CHD2: variants seen among roughly 807,000 people sequenced by gnomAD.
The protein encoded by CHD2 is ATP-dependent chromatin remodeler CHD2.
Under a neutral mutation model 243.9 loss-of-function variants are expected in CHD2, and 28 were observed. That is an observed-to-expected ratio of 0.11 (90% CI 0.09 to 0.16). CHD2 has a LOEUF of 0.16. CHD2 is among the 10% of genes least tolerant of loss of function. The probability of loss-of-function intolerance (pLI) is 1.00; values close to 1 mark genes in which losing one functional copy is unlikely to be tolerated. For missense variants in CHD2, 1,386 were observed against 2,209.8 expected (o/e 0.63, Z 7.47); for synonymous variants, 775 against 779.0 (o/e 0.99, Z 0.09).
chr15:92,943,866 T>C (rs1054793590), intron 9 of CHD2: 7 of 152,304 alleles, frequency 4.6e-5, no homozygotes, highest in African/African-American at 1.7e-4. Context: ...TACATGTTTT[T>C]TCTTTGACTC....
intron 13 of CHD2, 47 bp downstream of exon 13, chr15:92,949,123 C>G: frequency 6.3e-7 from 1 of 1,585,444 alleles, no homozygotes; most frequent in East Asian, 2.2e-5. Context: ...TTTCTGGCTT[C>G]TTTATTGTTA....
intron 2 of CHD2, among the ~76,000 whole-genome samples, chr15:92,921,116 A>C (rs1459425816): frequency 6.6e-6 from 1 of 151,992 alleles, no homozygotes; most frequent in Admixed American, 6.6e-5. Flanking sequence ...GCTGTGACAT[A>C]TGTCAGTATT....
At chr15:92,902,579 A>T (rs940579966) in intron 2 of CHD2, 2 of 159,298 alleles carry the variant, frequency 1.3e-5, no homozygotes, top group Non-Finnish European at 2.7e-5. Flanking sequence ...TTGCTTTAGA[A>T]AATAAGTTAC....
At chr15:92,907,327 A>G (rs868220938) in intron 2 of CHD2, among the ~76,000 whole-genome samples, 1 of 152,176 alleles carries the variant, frequency 6.6e-6, no homozygotes, top group African/African-American at 2.4e-5. Flanking sequence ...GTATTTCAAC[A>G]TGTTCTGGAC....
intron 16 of CHD2, among the ~76,000 whole-genome samples, chr15:92,962,794 A>C (rs1343398768): frequency 6.6e-6 from 1 of 151,840 alleles, no homozygotes; most frequent in East Asian, 1.9e-4. Flanking sequence ...TTTTTGCTTC[A>C]TTATTTTGGG....
intron 2 of CHD2, chr15:92,904,318 T>G: frequency 5.3e-6 from 2 of 378,626 alleles, no homozygotes; most frequent in Non-Finnish European, 7.3e-6. Flanking sequence ...GGGGTGCTGA[T>G]TGGCTGTGCG....
intron 12 of CHD2, among the ~76,000 whole-genome samples, chr15:92,948,496 G>A (rs1005439709): frequency 1.3e-5 from 2 of 152,200 alleles, no homozygotes; most frequent in Non-Finnish European, 1.5e-5. Context: ...TATTAACCAT[G>A]AAGAAAGGGG....
rs61447848 is a variant in CHD2 at position 92,965,565 on chromosome 15, C to CAAAAAAAAAA, written c.2001-1739_2001-1730dup. 1.5e-3 allele frequency among the ~76,000 whole-genome samples: 167 copies of CAAAAAAAAAA among 110,994 alleles called. 4 individuals carry two copies. Among genetic ancestry groups the CAAAAAAAAAA allele is most frequent in the Non-Finnish European group, 2.2e-3 (127 of 58,492 alleles). The allele number at this position is 110,994 out of a possible 152,430, so 72.8% of individuals were successfully genotyped here. On this transcript the variant is annotated intron_variant, in intron 16 of 38. Transcript: ENST00000394196. ...GGCGACAGAGCCGAGACTCTTTCTC[C>CAAAAAAAAAA]AAAAAAAAAAAAAAAAAAAAAAAAA...
At chr15:93,002,562 G>A (rs2054270909) in intron 33 of CHD2, among the ~76,000 whole-genome samples, 2 of 152,124 alleles carry the variant, frequency 1.3e-5, no homozygotes, top group Non-Finnish European at 2.9e-5. Context: ...ATATTTCAGG[G>A]GGAAATGTTT....
rs781574098 is a variant in CHD2 at position 92,985,626 on chromosome 15, T to C, written c.3366T>C (p.Ser1122=). 3.2e-5 allele frequency: 52 copies of C among 1,613,116 alleles called. No homozygotes were observed. Among genetic ancestry groups the C allele is most frequent in the Non-Finnish European group, 3.6e-5 (43 of 1,179,832 alleles). Residue 1122 remains serine (S), a synonymous_variant, in exon 26 of 39, where the codon AGT becomes AGC. Transcript: ENST00000394196. ...CAAAGCGCAGAGGGCGTCCGAGGAG[T>C]GTGCGGAAGGACCTCGTGGAGGGAT... is the stretch of plus-strand genomic sequence containing the variant. The part of the protein sequence containing the change: ...KKPKRRGRPR[S]VRKDLVEGFT...
At chr15:93,004,578 C>A in intron 33 of CHD2, 39 bp from the exon 34 acceptor site, 1 of 1,579,754 alleles carries the variant, frequency 6.3e-7, no homozygotes. Context: ...GGTAGGATTG[C>A]ACAAATGACA....
Position 93,013,161 on chromosome 15 carries a change from C to T in CHD2, c.4692+717C>T, listed in dbSNP as rs143759056. ...GAAGCACTCAGGAGTATTTGTTATG[C>T]TGTGCCCAGTGCTGTGTTGGCCTGT... On this transcript the variant is annotated intron_variant, in intron 36 of 38. Transcript: ENST00000394196. Among the ~76,000 whole-genome samples the T allele has an allele frequency of 6.1e-3, 933 of 152,346 alleles. 2 individuals are homozygous for T. Among genetic ancestry groups the T allele is most frequent in the South Asian group, 0.021 (100 of 4,828 alleles).
At chr15:92,977,514 G>A (rs1040477685) in intron 20 of CHD2, among the ~76,000 whole-genome samples, 3 of 151,910 alleles carry the variant, frequency 2.0e-5, no homozygotes, top group Admixed American at 6.6e-5. Flanking sequence ...TTTTCCCCCC[G>A]GCTTATATAT....
intron 31 of CHD2, among the ~76,000 whole-genome samples, chr15:92,999,142 G>T (rs967278936): frequency 6.7e-6 from 1 of 149,436 alleles, no homozygotes; most frequent in Non-Finnish European, 1.5e-5. Context: ...CGGCATCTTG[G>T]CAGCTTTCTT....
At position 92,984,518 on chromosome 15, in the gene CHD2, A is replaced by G. The variant is rs752321638; in HGVS notation, c.3237+18A>G. On this transcript the variant is annotated intron_variant, in intron 25 of 38. Transcript: ENST00000394196. ...CTAAAAAGGTGATCAAGTGAGATGAAAGATATGAAATTATTTCTTATGTTG... is the reference window on the plus strand; with the variant it reads ...CTAAAAAGGTGATCAAGTGAGATGAGAGATATGAAATTATTTCTTATGTTG... 13 of 1,596,776 alleles carry G rather than the reference A, an allele frequency of 8.1e-6. No homozygotes were observed. The highest frequency in any genetic ancestry group is 1.1e-5 in the Non-Finnish European group (13 of 1,171,398).
intron 16 of CHD2, among the ~76,000 whole-genome samples, chr15:92,961,756 T>C (rs1171989182): frequency 6.6e-6 from 1 of 152,130 alleles, no homozygotes; most frequent in African/African-American, 2.4e-5. Flanking sequence ...TTTTCTTGAT[T>C]ATGGTAATTT....
chr15:92,990,301 G>C (rs1014824920), intron 26 of CHD2, among the ~76,000 whole-genome samples: 2 of 152,216 alleles, frequency 1.3e-5, no homozygotes, highest in Non-Finnish European at 2.9e-5. Flanking sequence ...CTGTCATGCA[G>C]CTGGGGTTAA....
intron 20 of CHD2, among the ~76,000 whole-genome samples, chr15:92,976,141 A>C (rs1338582425): frequency 6.6e-6 from 1 of 152,086 alleles, no homozygotes; most frequent in Admixed American, 6.5e-5. Context: ...CTCCACTCTT[A>C]GTTTAAAAAA....
chr15:92,927,250 G>C lies in CHD2; in HGVS notation c.301G>C (p.Glu101Gln). ...TGGTCTCTTAATTTTACAGATGTGGGAAGAATATCCTGATGTTTATGGGGT... is the reference window on the plus strand; with the variant it reads ...TGGTCTCTTAATTTTACAGATGTGGCAAGAATATCCTGATGTTTATGGGGT... ...ERIADVKKMW[E>Q]EYPDVYGVRR... is the part of the protein sequence containing the mutation. Residue 101 changes from glutamate to glutamine, a missense_variant, in exon 4 of 39, where the codon GAA (glutamate) becomes CAA (glutamine). Physicochemically the swap from Glu to Gln is conservative, Grantham distance 29 (BLOSUM62 2). Around this residue, in one of 19 missense-constraint regions of CHD2, gnomAD observed 16 missense variants for 76.0 expected, o/e 0.21. Transcript: ENST00000394196. 6.2e-7 allele frequency: 1 copy of C among 1,611,746 alleles called. No homozygotes were observed. Among genetic ancestry groups the C allele is most frequent in the Non-Finnish European group, 8.5e-7 (1 of 1,178,070 alleles).
Sources: allele counts gnomAD v4.1 joint callset (sites outside exome capture counted in the v4.1 genomes callset), GRCh38; gene constraint gnomAD v4.1.1; regional missense constraint gnomAD v4.1.1; transcripts MANE v1.5; gene names NCBI Gene and HGNC (gene_info 2026-07-23, HGNC 2026-07-21).